F13A1: variants seen among roughly 807,000 people sequenced by gnomAD.
The protein encoded by F13A1 is coagulation factor XIII A chain.
A neutral mutation model predicts 80.1 loss-of-function variants in F13A1; 47 were observed. The observed-to-expected ratio is 0.59, with a 90% CI of 0.46 to 0.75. The LOEUF is 0.75. Ranked by LOEUF, F13A1 falls within the 30% of genes least tolerant of loss-of-function variation. The pLI is 0.00. For missense variants in F13A1, 817 were observed against 930.4 expected, an observed-to-expected ratio of 0.88 and a Z score of 1.59; for synonymous variants, 349 against 344.9, an observed-to-expected ratio of 1.01 and a Z score of -0.13.
chr6:6,193,155 A>C (rs1037656676), intron 10 of F13A1, among the ~76,000 whole-genome samples: 3 of 152,162 alleles, frequency 2.0e-5, no homozygotes, highest in African/African-American at 7.2e-5. Context: ...AGAAATGTGG[A>C]GGGTGAACTT....
intron 2 of F13A1, among the ~76,000 whole-genome samples, chr6:6,313,280 C>CTTTT (rs5874027): frequency 1.0e-4 from 13 of 126,748 alleles, no homozygotes; most frequent in Admixed American, 5.5e-4. Context: ...GCTAAGCCGC[C>CTTTT]TTTTTTTTTT....
chr6:6,209,323 TAAAAAAAAAAAAAA>T (rs34436663), intron 8 of F13A1, among the ~76,000 whole-genome samples: 1 of 131,784 alleles, frequency 7.6e-6, no homozygotes, highest in South Asian at 2.4e-4. Flanking sequence ...CAATAATAAT[TAAAAAAAAAAAAAA>T]AACAGAAAAT....
At chr6:6,295,912 T>G (rs2113165791) in intron 3 of F13A1, among the ~76,000 whole-genome samples, 1 of 142,342 alleles carries the variant, frequency 7.0e-6, no homozygotes, top group Middle Eastern at 3.4e-3. Context: ...CATCTTGAAT[T>G]GATTTTTGTA....
chr6:6,310,980 T>C (rs1284372192), intron 2 of F13A1, among the ~76,000 whole-genome samples: 1 of 152,146 alleles, frequency 6.6e-6, no homozygotes, highest in East Asian at 1.9e-4. Context: ...AGGCTTGCTT[T>C]GAATTTCCAC....
chr6:6,162,231 A>T lies in F13A1; in HGVS notation c.1908+5227T>A, dbSNP rs1298162110. Among the ~76,000 whole-genome samples, 1 of 146,898 alleles carries T rather than the reference A, an allele frequency of 6.8e-6. No individual in the cohort carries two copies. The highest frequency in any genetic ancestry group is 1.5e-5 in the Non-Finnish European group (1 of 66,122). The stretch of plus-strand genomic sequence containing the variant: ...CACATAGCCTCAAGCTATCTTTTTC[A>T]GGTTACCCTTACTCATCCCTGCTCC... On this transcript the variant is annotated intron_variant, in intron 13 of 14. Transcript: ENST00000264870. The surrounding 1 kb of genome is among the most constrained non-coding windows in gnomAD (Gnocchi z 4.2).
At chr6:6,276,758 T>C (rs952726749) in intron 3 of F13A1, among the ~76,000 whole-genome samples, 7 of 152,184 alleles carry the variant, frequency 4.6e-5, no homozygotes, top group Admixed American at 4.6e-4. Flanking sequence ...GATTAAACAA[T>C]AGTGTGTGTG....
At chr6:6,305,314 C>T (rs375610771) in intron 3 of F13A1, 37 bp downstream of exon 3, 6 of 1,611,692 alleles carry the variant, frequency 3.7e-6, no homozygotes, top group Non-Finnish European at 5.1e-6. Context: ...CAATGCAACC[C>T]ATGGTGTCAA....
chr6:6,256,525 C>CCT (rs1476543694), intron 4 of F13A1, among the ~76,000 whole-genome samples: 16 of 152,110 alleles, frequency 1.1e-4, no homozygotes, highest in African/African-American at 3.6e-4. Context: ...CCCTTGCAGG[C>CCT]TGACTAACAA....
chr6:6,172,442 CA>C (rs1201864568), intron 12 of F13A1, among the ~76,000 whole-genome samples: 5 of 122,674 alleles, frequency 4.1e-5, no homozygotes, highest in African/African-American at 1.8e-4. Context: ...CCAAAGAAAA[CA>C]CTATAGTGTT....
intron 3 of F13A1, among the ~76,000 whole-genome samples, chr6:6,294,494 C>T (rs1365708168): frequency 2.6e-5 from 4 of 151,754 alleles, no homozygotes; most frequent in Non-Finnish European, 5.9e-5. Flanking sequence ...CTTAAATAAA[C>T]TCCCCTTTAT....
intron 9 of F13A1, among the ~76,000 whole-genome samples, chr6:6,196,936 A>C (rs1291952041): frequency 6.6e-6 from 1 of 152,264 alleles, no homozygotes; most frequent in Non-Finnish European, 1.5e-5. Context: ...AAATGCTTAC[A>C]GATATTTTCT....
In F13A1 at chr6:6,318,688, GAAAA is replaced by G; in HGVS notation, c.-18-10_-18-7del. ...ATTTTTGACTTTACAAGGTCCTTCA[GAAAA>G]AAAAAAAAAAGAAGACAACAGAAAA... On this transcript the variant is annotated splice_region_variant and splice_polypyrimidine_tract_variant and intron_variant, in intron 1 of 14. Coordinates refer to ENST00000264870, the MANE Select transcript of F13A1 (RefSeq NM_000129.4). 2.0e-6 allele frequency: 3 copies of G among 1,488,456 alleles called. No individual in the cohort carries two copies. Among genetic ancestry groups the G allele is most frequent in the Non-Finnish European group, 9.0e-7 (1 of 1,106,710 alleles). The allele number at this position is 1,488,456 out of a possible 1,614,324, so 92.2% of individuals were successfully genotyped here.
Position 6,151,741 on chromosome 6 carries a change from G to C in F13A1, c.2045+72C>G, listed in dbSNP as rs895546199. ...TCACTGGGGAGCAGATCTATGTTTG[G>C]AAAAGACACACACAGAGAAAGCTTC... is the stretch of plus-strand genomic sequence containing the variant. On this transcript the variant is annotated intron_variant, in intron 14 of 14. Transcript: ENST00000264870. 17 of 1,597,918 alleles carry C rather than the reference G, an allele frequency of 1.1e-5. No individual in the cohort carries two copies. The African/African-American group carries it at 2.0e-4, about 19-fold the overall frequency.
intron 6 of F13A1, among the ~76,000 whole-genome samples, chr6:6,244,190 T>C (rs971462967): frequency 2.0e-5 from 3 of 152,178 alleles, no homozygotes; most frequent in South Asian, 2.1e-4. Flanking sequence ...GGGAAGTAAG[T>C]GTTCGGATGG....
Position 6,160,853 on chromosome 6 carries a change from G to GC in F13A1, c.1908+6604dup, listed in dbSNP as rs1478816739. Among the ~76,000 whole-genome samples the GC allele has an allele frequency of 4.6e-5, 6 of 131,018 alleles. No homozygotes were observed. The South Asian group carries it at 1.4e-3, about 30-fold the overall frequency. 86.0% of individuals were successfully genotyped at this position (131,018 alleles called of 152,430 possible). A position where few individuals can be genotyped will look rare whatever the true frequency, so the allele number is the denominator to read the frequency against. On this transcript the variant is annotated intron_variant, in intron 13 of 14. Transcript: ENST00000264870. ...ACAGTCAATTGTCCTCATTTTAAAA[G>GC]CTTTTTTTTTTTTTGAAAAATTTGG... is the stretch of plus-strand genomic sequence containing the variant.
rs1471936838 is a variant in F13A1, at chr6:6,318,550, C to T, written c.115G>A (p.Gly39Ser). The change falls in exon 2 of 15, where the codon GGC (glycine) becomes AGC (serine). Residue 39 changes from glycine (G) to serine (S), a missense_variant. Physicochemically the swap from Gly to Ser is moderately conservative, Grantham distance 56. Transcript: ENST00000264870. Reference protein sequence around the residue: ...TVELQGVVPRGVNLQEFLNVT... With the variant: ...TVELQGVVPRSVNLQEFLNVT... ...ATGCTCATACCTTGCAGGTTGACGC[C>T]CCGGGGCACCACGCCCTGAAGCTCC... is the stretch of plus-strand genomic sequence containing the variant. 2 of 1,613,374 alleles carry T rather than the reference C, an allele frequency of 1.2e-6. No individual in the cohort carries two copies. The highest frequency in any genetic ancestry group is 1.7e-6 in the Non-Finnish European group (2 of 1,179,734).
At chr6:6,159,574 G>A (rs1363424293) in intron 13 of F13A1, among the ~76,000 whole-genome samples, 1 of 152,166 alleles carries the variant, frequency 6.6e-6, no homozygotes, top group Non-Finnish European at 1.5e-5. Context: ...TGGTTGGCGA[G>A]TGGGCTGGAC....
intron 2 of F13A1, among the ~76,000 whole-genome samples, chr6:6,313,280 C>CTT (rs5874027): frequency 1.1e-4 from 14 of 126,742 alleles, no homozygotes; most frequent in South Asian, 5.3e-4. Context: ...GCTAAGCCGC[C>CTT]TTTTTTTTTT....
At chr6:6,160,836 T>C (rs963005790) in intron 13 of F13A1, among the ~76,000 whole-genome samples, 2 of 149,028 alleles carry the variant, frequency 1.3e-5, no homozygotes, top group Non-Finnish European at 3.0e-5. Flanking sequence ...AAACAGTCAA[T>C]TGTCCTCATT....
Sources: allele counts gnomAD v4.1 joint callset (sites outside exome capture counted in the v4.1 genomes callset), GRCh38; gene constraint gnomAD v4.1.1; non-coding constraint Gnocchi (gnomAD v3.1); transcripts MANE v1.5; gene names NCBI Gene and HGNC (gene_info 2026-07-23, HGNC 2026-07-21).